GSTCD: variants seen among roughly 807,000 people sequenced by gnomAD.
GSTCD encodes the protein glutathione S-transferase C-terminal domain containing.
In GSTCD, 44 loss-of-function variants were observed where a neutral mutation model predicts 68.3. The ratio of observed to expected loss-of-function variants is 0.64; its 90% CI spans 0.51 to 0.83. GSTCD has a LOEUF of 0.83. Among genes scored for constraint, GSTCD ranks in the 40% least tolerant of loss-of-function variants. GSTCD has a pLI of 0.00. For missense variants in GSTCD, 739 were observed against 735.9 expected, an observed-to-expected ratio of 1.00 and a Z score of -0.05; for synonymous variants, 273 against 255.2, an observed-to-expected ratio of 1.07 and a Z score of -0.67.
intron 5 of GSTCD, among the ~76,000 whole-genome samples, chr4:105,822,128 G>T (rs114357639): frequency 3.9e-5 from 6 of 151,982 alleles, no homozygotes; most frequent in Admixed American, 2.6e-4. Context: ...TGTAAAGAAT[G>T]CACTTGAAAT....
chr4:105,738,888 G>GA (rs1217189686), intron 5 of GSTCD, among the ~76,000 whole-genome samples: 6 of 152,154 alleles, frequency 3.9e-5, no homozygotes, highest in Admixed American at 1.3e-4. Context: ...GAATAGGAGT[G>GA]GTGAGAATGG....
At chr4:105,738,089 T>C (rs1354260581) in intron 5 of GSTCD, among the ~76,000 whole-genome samples, 1 of 152,242 alleles carries the variant, frequency 6.6e-6, no homozygotes. Context: ...AAGCAGATGC[T>C]GACCTTATGC....
intron 5 of GSTCD, among the ~76,000 whole-genome samples, chr4:105,798,130 A>G (rs951753383): frequency 2.6e-5 from 4 of 152,170 alleles, no homozygotes; most frequent in Admixed American, 2.0e-4. Context: ...TTCCATCTCA[A>G]GAAACCACTT....
chr4:105,841,605 G>A (rs1361527325), intron 10 of GSTCD, among the ~76,000 whole-genome samples: 1 of 151,932 alleles, frequency 6.6e-6, no homozygotes, highest in Non-Finnish European at 1.5e-5. Context: ...GAAGGCTGAG[G>A]TGGGCAGATC....
At chr4:105,767,379 A>G (rs902050183) in intron 5 of GSTCD, among the ~76,000 whole-genome samples, 1 of 152,210 alleles carries the variant, frequency 6.6e-6, no homozygotes, top group African/African-American at 2.4e-5. Flanking sequence ...ACTTAAGGTT[A>G]AACTTAATTT....
At chr4:105,801,793 T>G (rs1289594829) in intron 5 of GSTCD, among the ~76,000 whole-genome samples, 1 of 152,080 alleles carries the variant, frequency 6.6e-6, no homozygotes, top group African/African-American at 2.4e-5. Flanking sequence ...TGCACCAAGA[T>G]TACATAAAAT....
At chr4:105,807,065 T>TA (rs1483217559) in intron 5 of GSTCD, 1 of 152,166 alleles carries the variant, frequency 6.6e-6, no homozygotes, top group Admixed American at 6.6e-5. Context: ...TCTCTTCCTC[T>TA]ACTTTCTTCT....
chr4:105,733,088 G>A (rs552927298), intron 5 of GSTCD, among the ~76,000 whole-genome samples: 1 of 152,322 alleles, frequency 6.6e-6, no homozygotes, highest in African/African-American at 2.4e-5. Flanking sequence ...TACATTTGCT[G>A]AGGAGTGCTT....
chr4:105,719,634 G>A (rs1185944558), intron 3 of GSTCD, 107 bp downstream of exon 3: 1 of 764,794 alleles, frequency 1.3e-6, no homozygotes. Flanking sequence ...TGCTAGGAAA[G>A]TTATTAATAT....
At chr4:105,734,989 A>G (rs541980511) in intron 5 of GSTCD, among the ~76,000 whole-genome samples, 4 of 152,318 alleles carry the variant, frequency 2.6e-5, no homozygotes, top group Admixed American at 1.3e-4. Flanking sequence ...AGGCTGCAGA[A>G]CAGCGAATAT....
chr4:105,831,885 G>C (rs547319621), intron 8 of GSTCD, among the ~76,000 whole-genome samples: 3 of 152,002 alleles, frequency 2.0e-5, no homozygotes, highest in Non-Finnish European at 4.4e-5. Context: ...GCAGGGAGTC[G>C]AGATCACACC....
chr4:105,755,585 A>G (rs1304564507), intron 5 of GSTCD, among the ~76,000 whole-genome samples: 1 of 152,168 alleles, frequency 6.6e-6, no homozygotes, highest in Non-Finnish European at 1.5e-5. Context: ...GCCTGGAGAT[A>G]GTGTTAGATC....
intron 10 of GSTCD, among the ~76,000 whole-genome samples, chr4:105,838,710 A>G (rs972401404): frequency 7.2e-5 from 11 of 152,218 alleles, no homozygotes; most frequent in African/African-American, 2.7e-4. Flanking sequence ...AATCTGATCA[A>G]AACAGTTTCT....
intron 10 of GSTCD, among the ~76,000 whole-genome samples, chr4:105,839,292 A>G (rs1578526835): frequency 6.6e-6 from 1 of 152,262 alleles, no homozygotes; most frequent in Non-Finnish European, 1.5e-5. Flanking sequence ...ATAACATTCA[A>G]AACATCTCAC....
At chr4:105,807,649 C>T (rs1444083020) in intron 5 of GSTCD, among the ~76,000 whole-genome samples, 2 of 152,074 alleles carry the variant, frequency 1.3e-5, no homozygotes, top group African/African-American at 4.8e-5. Flanking sequence ...AACAGAATGA[C>T]TCAAATATTT....
intron 5 of GSTCD, among the ~76,000 whole-genome samples, chr4:105,738,025 C>T (rs1733514977): frequency 6.6e-6 from 1 of 152,218 alleles, no homozygotes; most frequent in Non-Finnish European, 1.5e-5. Context: ...CTATGTGATG[C>T]CTGCTCCCTT....
At chr4:105,754,528 C>T (rs1384850848) in intron 5 of GSTCD, among the ~76,000 whole-genome samples, 1 of 152,040 alleles carries the variant, frequency 6.6e-6, no homozygotes, top group Non-Finnish European at 1.5e-5. Flanking sequence ...TGACTGTATT[C>T]TGTACACAAA....
At chr4:105,759,750 C>T (rs1734331481) in intron 5 of GSTCD, among the ~76,000 whole-genome samples, 1 of 151,522 alleles carries the variant, frequency 6.6e-6, no homozygotes, top group African/African-American at 2.4e-5. Context: ...TTTAATTATC[C>T]CTAAGATCTG....
intron 5 of GSTCD, among the ~76,000 whole-genome samples, chr4:105,822,270 C>T (rs909394665): frequency 1.3e-5 from 2 of 151,934 alleles, no homozygotes; most frequent in African/African-American, 4.8e-5. Flanking sequence ...AATGCCCTAT[C>T]CTGAATCTCT....
Sources: allele counts gnomAD v4.1 joint callset (sites outside exome capture counted in the v4.1 genomes callset), GRCh38; gene constraint gnomAD v4.1.1; transcripts MANE v1.5; gene names NCBI Gene and HGNC (gene_info 2026-07-23, HGNC 2026-07-21).